The following ASAP2 variants were observed in gnomAD, a reference collection of about 807,000 sequenced individuals.
ASAP2 encodes arf-GAP with SH3 domain, ANK repeat and PH domain-containing protein 2.
In ASAP2, 45 loss-of-function variants were observed where a neutral mutation model predicts 131.4. The observed-to-expected ratio is 0.34, with a 90% confidence interval of 0.27 to 0.44. The LOEUF (loss-of-function observed/expected upper bound fraction) is 0.44, where lower values mean the gene tolerates loss of function less well. ASAP2 is among the 20% of genes least tolerant of loss of function. The pLI is 1.00. For missense variants in ASAP2, 1,011 were observed against 1,297.0 expected (o/e 0.78, Z 3.39); for synonymous variants, 510 against 503.0 (o/e 1.01, Z -0.19).
chr2:9,269,832 C>T (rs1666216618), intron 1 of ASAP2, among the ~76,000 whole-genome samples: 1 of 152,214 alleles, frequency 6.6e-6, no homozygotes, highest in Admixed American at 6.5e-5. Context: ...AATGAGTGAA[C>T]AGCTTTGTGG....
intron 15 of ASAP2, among the ~76,000 whole-genome samples, chr2:9,362,630 G>C (rs115606610): frequency 5.5e-4 from 84 of 152,098 alleles, no homozygotes; most frequent in African/African-American, 1.9e-3. Flanking sequence ...TTTGAGTCTG[G>C]GAGTTCAAGA....
chr2:9,336,630 G>C (rs2148571073), intron 9 of ASAP2, among the ~76,000 whole-genome samples: 1 of 152,318 alleles, frequency 6.6e-6, no homozygotes, highest in South Asian at 2.1e-4. Context: ...GACACTGGCA[G>C]AGCAAGGTTA....
intron 2 of ASAP2, among the ~76,000 whole-genome samples, chr2:9,293,362 T>C (rs756497944): frequency 6.6e-5 from 10 of 152,160 alleles, no homozygotes; most frequent in Admixed American, 3.3e-4. Flanking sequence ...CCCTCCCAGG[T>C]CAGTGATTAT....
intron 1 of ASAP2, among the ~76,000 whole-genome samples, chr2:9,275,238 T>C (rs1401030084): frequency 6.6e-6 from 1 of 152,092 alleles, no homozygotes; most frequent in Non-Finnish European, 1.5e-5. Flanking sequence ...CCCGGCTAAC[T>C]TATTTTTATT....
intron 2 of ASAP2, 72 bp from the exon 3 acceptor site, chr2:9,297,228 A>G: frequency 1.3e-6 from 2 of 1,575,396 alleles, no homozygotes; most frequent in South Asian, 2.3e-5. Context: ...GTTATTCACA[A>G]CCGAGAAGAA....
intron 24 of ASAP2, among the ~76,000 whole-genome samples, 195 bp downstream of exon 24, chr2:9,393,842 C>T (rs111300023): frequency 1.3e-5 from 2 of 152,338 alleles, no homozygotes; most frequent in Admixed American, 6.5e-5. Context: ...TACAAATGTA[C>T]ATTTTAAGTC....
intron 1 of ASAP2, among the ~76,000 whole-genome samples, chr2:9,250,713 G>A (rs530303013): frequency 1.8e-4 from 28 of 152,224 alleles, no homozygotes; most frequent in Non-Finnish European, 3.7e-4. Context: ...CTGAATCAGA[G>A]CCAGGGTGGA....
intron 2 of ASAP2, among the ~76,000 whole-genome samples, chr2:9,296,172 A>T (rs1668138168): frequency 6.6e-6 from 1 of 152,224 alleles, no homozygotes; most frequent in Non-Finnish European, 1.5e-5. Flanking sequence ...GTTGTGTTAT[A>T]TTTCCAGTTG....
At chr2:9,333,760 A>C (rs941102332) in intron 7 of ASAP2, among the ~76,000 whole-genome samples, 3 of 152,160 alleles carry the variant, frequency 2.0e-5, no homozygotes, top group Non-Finnish European at 4.4e-5. Context: ...ATTCCTCTCA[A>C]AAGGGTTACA....
chr2:9,254,539 T>TTTTTA (rs1558269779), intron 1 of ASAP2, among the ~76,000 whole-genome samples: 1 of 140,814 alleles, frequency 7.1e-6, no homozygotes, highest in African/African-American at 2.7e-5. Flanking sequence ...TTTTTTTTTT[T>TTTTTA]TTTTTTTTTT....
At chr2:9,387,076 G>GGC (rs1553328873) in intron 21 of ASAP2, among the ~76,000 whole-genome samples, 15 of 126,020 alleles carry the variant, frequency 1.2e-4, no homozygotes, top group African/African-American at 6.1e-4. Flanking sequence ...CTTGGTGGTG[G>GGC]GTGGGGGGGC....
At chr2:9,318,667 C>A in intron 4 of ASAP2, 69 bp downstream of exon 4, 2 of 1,094,038 alleles carry the variant, frequency 1.8e-6, no homozygotes, top group Non-Finnish European at 2.7e-6. Flanking sequence ...GCTTGGCCTG[C>A]CGGGCAGCAG....
At chr2:9,348,661 T>C (rs1431101490) in intron 11 of ASAP2, among the ~76,000 whole-genome samples, 2 of 152,202 alleles carry the variant, frequency 1.3e-5, no homozygotes, top group Non-Finnish European at 1.5e-5. Context: ...TGTAGGCACA[T>C]TTATGTCTTC....
At chr2:9,227,667 G>T (rs1346657191) in intron 1 of ASAP2, among the ~76,000 whole-genome samples, 3 of 152,150 alleles carry the variant, frequency 2.0e-5, no homozygotes, top group Admixed American at 1.3e-4. Flanking sequence ...TTCAATGAAT[G>T]ATCTTTCTGT....
chr2:9,376,924 C>T lies in ASAP2; in HGVS notation c.1763C>T (p.Ala588Val). The change falls in exon 18 of 28, where the codon GCC (alanine) becomes GTC (valine). Residue 588 changes from alanine (A) to valine (V), a missense_variant. Ala to Val is a moderately conservative substitution (Grantham distance 64). This residue lies in a region of ASAP2 where 652 missense variants were observed against 698.9 expected (regional missense o/e 0.93). Transcript: ENST00000281419. ...LANGHEPDETALHLAVRSVDR... is the reference protein window; with the variant it reads ...LANGHEPDETVLHLAVRSVDR... ...GTTTTTCAGGAGCCGGATGAAACGG[C>T]CCTCCACCTTGCAGTCAGATCCGTG... The T allele has an allele frequency of 6.2e-7, 1 of 1,614,128 alleles. No individual in the cohort carries two copies.
intron 1 of ASAP2, among the ~76,000 whole-genome samples, chr2:9,239,715 A>G (rs1216310062): frequency 6.6e-6 from 1 of 151,222 alleles, no homozygotes; most frequent in African/African-American, 2.4e-5. Context: ...TGTTGAAACC[A>G]CTGTAATGGC....
In ASAP2 at chr2:9,246,768, G is replaced by C. The variant is rs933211043; in HGVS notation, c.127-32549G>C. Reference sequence around the variant, plus strand: ...GGTTTAATCCATTGTGGCTCGATGTGGGAGAGGCTCATTCCTGGGATACTC... The same window carrying C: ...GGTTTAATCCATTGTGGCTCGATGTCGGAGAGGCTCATTCCTGGGATACTC... On this transcript the variant is annotated intron_variant, in intron 1 of 27. Coordinates refer to ENST00000281419, the MANE Select transcript of ASAP2 (RefSeq NM_003887.3). Among the ~76,000 whole-genome samples, 12 of 152,246 alleles carry C rather than the reference G, an allele frequency of 7.9e-5. No homozygotes were observed. The South Asian group carries it at 8.3e-4, about 11-fold the overall frequency.
chr2:9,305,277 T>C (rs1288299141), intron 3 of ASAP2, among the ~76,000 whole-genome samples: 1 of 149,928 alleles, frequency 6.7e-6, no homozygotes, highest in Non-Finnish European at 1.5e-5. Flanking sequence ...AATAGTGGGG[T>C]ATAGATGTTG....
intron 3 of ASAP2, among the ~76,000 whole-genome samples, chr2:9,309,334 G>A (rs767448498): frequency 6.6e-5 from 10 of 152,132 alleles, no homozygotes; most frequent in Non-Finnish European, 1.0e-4. Flanking sequence ...TGAATGAATC[G>A]CACAGTCATG....
Sources: gnomAD v4.1 joint callset for allele counts (sites outside exome capture counted in the v4.1 genomes callset) on GRCh38, gnomAD v4.1.1 for gene constraint, gnomAD v4.1.1 regional missense constraint, MANE v1.5 for transcripts, NCBI Gene and HGNC (gene_info 2026-07-23, HGNC 2026-07-21) for gene names.